CNTNAP5: variants seen among roughly 807,000 people sequenced by gnomAD.
CNTNAP5 encodes contactin-associated protein-like 5.
CNTNAP5 carries 72 observed loss-of-function variants against 150.2 expected under a neutral mutation model. That is an observed-to-expected ratio of 0.48 (90% CI 0.40 to 0.58). The LOEUF (loss-of-function observed/expected upper bound fraction) is 0.58. Ranked by LOEUF, CNTNAP5 falls within the 20% of genes least tolerant of loss-of-function variation. The probability of loss-of-function intolerance (pLI) is 0.00; values close to 1 mark genes in which losing one functional copy is unlikely to be tolerated. For missense variants in CNTNAP5, 1,636 were observed against 1,626.2 expected (o/e 1.01, Z -0.10); for synonymous variants, 672 against 619.8 (o/e 1.08, Z -1.25).
At chr2:124,069,173 A>G (rs1682237953) in intron 1 of CNTNAP5, among the ~76,000 whole-genome samples, 1 of 151,990 alleles carries the variant, frequency 6.6e-6, no homozygotes, top group Non-Finnish European at 1.5e-5. Context: ...AGAGCCCTTG[A>G]ACCCTGAGTG....
At chr2:124,610,191 G>A (rs1283128390) in intron 12 of CNTNAP5, among the ~76,000 whole-genome samples, 1 of 152,040 alleles carries the variant, frequency 6.6e-6, no homozygotes, top group African/African-American at 2.4e-5. Context: ...GGCCTCCAAG[G>A]GCATTTTCTC....
At chr2:124,468,423 A>T (rs1270209553) in intron 6 of CNTNAP5, among the ~76,000 whole-genome samples, 1 of 152,136 alleles carries the variant, frequency 6.6e-6, no homozygotes, top group Non-Finnish European at 1.5e-5. Context: ...ATTCAAGAGC[A>T]TGAAGAATCC....
chr2:124,054,069 T>A (rs1006150756), intron 1 of CNTNAP5, among the ~76,000 whole-genome samples: 6 of 152,160 alleles, frequency 3.9e-5, no homozygotes, highest in Admixed American at 1.3e-4. Flanking sequence ...GCATGTAGAT[T>A]AGACAAGGAT....
chr2:124,855,839 T>C (rs1242005938), intron 19 of CNTNAP5, among the ~76,000 whole-genome samples: 1 of 152,100 alleles, frequency 6.6e-6, no homozygotes, highest in Non-Finnish European at 1.5e-5. Flanking sequence ...TGAACCCAAT[T>C]TATAGTCTTT....
At chr2:124,882,714 C>T (rs1363172547) in intron 21 of CNTNAP5, among the ~76,000 whole-genome samples, 2 of 151,986 alleles carry the variant, frequency 1.3e-5, no homozygotes, top group Non-Finnish European at 2.9e-5. Context: ...CGTCTGTTTT[C>T]ACACTGCTAA....
At chr2:124,137,536 A>AT (rs958182154) in intron 1 of CNTNAP5, among the ~76,000 whole-genome samples, 2 of 152,116 alleles carry the variant, frequency 1.3e-5, no homozygotes, top group East Asian at 1.9e-4. Flanking sequence ...AATTTTAGAG[A>AT]TTTTTTTTCA....
intron 13 of CNTNAP5, among the ~76,000 whole-genome samples, chr2:124,724,144 A>AAATAATAAT (rs60984074): frequency 0.019 from 2,724 of 145,680 alleles, 33 homozygotes; most frequent in South Asian, 0.03. Context: ...ACTCCATCTC[A>AAATAATAAT]AATAATAATA....
chr2:124,606,404 A>G (rs141486631), intron 11 of CNTNAP5, among the ~76,000 whole-genome samples: 1 of 152,294 alleles, frequency 6.6e-6, no homozygotes, highest in African/African-American at 2.4e-5. Context: ...TAGACATGCT[A>G]TTTAGTCATT....
chr2:124,807,293 T>A (rs314717), intron 19 of CNTNAP5, among the ~76,000 whole-genome samples: 108,553 of 151,978 alleles, frequency 0.71, 39,119 homozygotes, highest in East Asian at 0.85. Flanking sequence ...GGACTCTGAC[T>A]GTCGGATGCC....
chr2:124,578,834 T>G (rs909172172), intron 11 of CNTNAP5, among the ~76,000 whole-genome samples: 9 of 152,162 alleles, frequency 5.9e-5, no homozygotes, highest in African/African-American at 2.2e-4. Context: ...GCATCTTTGA[T>G]GTGGACAGCT....
At chr2:124,633,996 A>T (rs1458728027) in intron 12 of CNTNAP5, among the ~76,000 whole-genome samples, 2 of 152,120 alleles carry the variant, frequency 1.3e-5, no homozygotes, top group African/African-American at 4.8e-5. Flanking sequence ...CCATGAAACC[A>T]TTCTGTCCTC....
chr2:124,759,773 A>G (rs2105160114), intron 14 of CNTNAP5, among the ~76,000 whole-genome samples: 1 of 152,064 alleles, frequency 6.6e-6, no homozygotes, highest in Non-Finnish European at 1.5e-5. Flanking sequence ...AAGATTGCAG[A>G]TGTGGTCCAG....
intron 21 of CNTNAP5, among the ~76,000 whole-genome samples, chr2:124,884,098 A>G (rs1558812831): frequency 6.6e-6 from 1 of 152,068 alleles, no homozygotes; most frequent in Admixed American, 6.5e-5. Flanking sequence ...GTCTGTGTGC[A>G]TGTACATGTG....
intron 3 of CNTNAP5, among the ~76,000 whole-genome samples, chr2:124,270,336 T>G (rs557207935): frequency 5.3e-5 from 8 of 152,126 alleles, no homozygotes; most frequent in Admixed American, 1.3e-4. Context: ...TATGAAATAA[T>G]TTTTAAATAA....
chr2:124,490,833 G>T (rs1340092434), intron 7 of CNTNAP5, among the ~76,000 whole-genome samples: 1 of 151,796 alleles, frequency 6.6e-6, no homozygotes, highest in Non-Finnish European at 1.5e-5. Flanking sequence ...AAATAACCCT[G>T]TATTAAAATA....
chr2:124,474,774 T>C lies in CNTNAP5; in HGVS notation c.954T>C (p.Pro318=), dbSNP rs770448004. The C allele has an allele frequency of 1.9e-6, 3 of 1,598,352 alleles. No individual in the cohort carries two copies. In the African/African-American group the frequency reaches 4.0e-5, roughly 22 times the overall value. The change falls in exon 7 of 24, where the codon CCT becomes CCC. Residue 318 remains proline (P), a synonymous_variant. Coordinates refer to ENST00000682447, the MANE Select transcript of CNTNAP5 (RefSeq NM_001367498.1). Reference sequence around the variant, plus strand: ...GAGGAATTCCAGTACCAGGAAAACCTGGGACCTTTTTAAAGAAAAACTTCC... The same window carrying C: ...GAGGAATTCCAGTACCAGGAAAACCCGGGACCTTTTTAAAGAAAAACTTCC... ...SFGGIPVPGK[P]GTFLKKNFHG...
intron 19 of CNTNAP5, among the ~76,000 whole-genome samples, chr2:124,847,575 T>G (rs1683075574): frequency 6.6e-6 from 1 of 152,172 alleles, no homozygotes; most frequent in African/African-American, 2.4e-5. Context: ...ACTTACAGGC[T>G]TTTGGTATCT....
chr2:124,351,123 C>G (rs1177507516), intron 3 of CNTNAP5, among the ~76,000 whole-genome samples: 1 of 152,168 alleles, frequency 6.6e-6, no homozygotes, highest in Non-Finnish European at 1.5e-5. Flanking sequence ...GAACATCAAA[C>G]CAAGAAACTC....
At chr2:124,888,538 T>C (rs1031440629) in intron 21 of CNTNAP5, among the ~76,000 whole-genome samples, 2 of 152,126 alleles carry the variant, frequency 1.3e-5, no homozygotes, top group African/African-American at 4.8e-5. Context: ...CTTTCCACAG[T>C]GGCTGAACTA....
Sources: allele counts gnomAD v4.1 joint callset (sites outside exome capture counted in the v4.1 genomes callset), GRCh38; gene constraint gnomAD v4.1.1; transcripts MANE v1.5; gene names NCBI Gene and HGNC (gene_info 2026-07-23, HGNC 2026-07-21).